The following SUGCT variants were observed in gnomAD, a reference collection of about 807,000 sequenced individuals.
SUGCT encodes the protein succinyl-CoA:glutarate-CoA transferase, also known as succinyl-CoA:glutarate CoA-transferase.
SUGCT carries 41 observed loss-of-function variants against 55.0 expected under a neutral mutation model. The ratio of observed to expected loss-of-function variants is 0.74; its 90% CI spans 0.58 to 0.97. SUGCT has a LOEUF of 0.97. Ranked by LOEUF, SUGCT falls within the 50% of genes least tolerant of loss-of-function variation. The pLI, the probability that SUGCT is intolerant of heterozygous loss-of-function variation, is 0.00. For synonymous variants in SUGCT, 187 were observed against 200.4 expected, an observed-to-expected ratio of 0.93 and a Z score of 0.56; for missense variants, 568 against 547.8, an observed-to-expected ratio of 1.04 and a Z score of -0.37.
At chr7:40,622,551 T>TTTC (rs1554388211) in intron 12 of SUGCT, among the ~76,000 whole-genome samples, 1 of 142,342 alleles carries the variant, frequency 7.0e-6, no homozygotes, top group East Asian at 2.0e-4. Flanking sequence ...TTTTTTTTTT[T>TTTC]CATCTTCTGA....
intron 8 of SUGCT, among the ~76,000 whole-genome samples, chr7:40,274,942 C>T (rs1584533597): frequency 6.6e-6 from 1 of 152,136 alleles, no homozygotes; most frequent in East Asian, 1.9e-4. Flanking sequence ...GCTGGGGTTA[C>T]AGGCATGTGC....
At chr7:40,308,471 G>A (rs1794954562) in intron 8 of SUGCT, among the ~76,000 whole-genome samples, 1 of 152,110 alleles carries the variant, frequency 6.6e-6, no homozygotes, top group South Asian at 2.1e-4. Flanking sequence ...ACACCATAAT[G>A]ACCAGGTGAT....
At chr7:40,174,172 G>A (rs769767269) in intron 1 of SUGCT, among the ~76,000 whole-genome samples, 7 of 152,026 alleles carry the variant, frequency 4.6e-5, no homozygotes, top group African/African-American at 9.7e-5. Flanking sequence ...ACAGGTGTGC[G>A]CCACCATGCC....
chr7:40,305,951 C>T (rs1201819901), intron 8 of SUGCT, among the ~76,000 whole-genome samples: 1 of 151,366 alleles, frequency 6.6e-6, no homozygotes, highest in Non-Finnish European at 1.5e-5. Context: ...AGGCATGAGC[C>T]ACTGTGCCTG....
Position 40,423,607 on chromosome 7 carries a change from T to C in SUGCT, c.817-25680T>C, listed in dbSNP as rs188737293. On this transcript the variant is annotated intron_variant, in intron 9 of 13. Transcript: ENST00000335693. ...ATTTCACTTAATTGCATTTTTATGGTCCAGTCATTAACCTACTGAAAAAAA... is the reference window on the plus strand; with the variant it reads ...ATTTCACTTAATTGCATTTTTATGGCCCAGTCATTAACCTACTGAAAAAAA... Among the ~76,000 whole-genome samples, 308 of 152,226 alleles carry C rather than the reference T, an allele frequency of 2.0e-3. 12 individuals carry two copies. In the South Asian group the frequency reaches 0.06, roughly 29 times the overall value.
chr7:40,235,620 T>A (rs1278360600), intron 6 of SUGCT, among the ~76,000 whole-genome samples: 1 of 152,122 alleles, frequency 6.6e-6, no homozygotes, highest in Non-Finnish European at 1.5e-5. Flanking sequence ...AGCCACCGCA[T>A]CCAGCCAAAA....
chr7:40,671,511 A>G (rs1027448014), intron 12 of SUGCT, among the ~76,000 whole-genome samples: 1 of 152,228 alleles, frequency 6.6e-6, no homozygotes, highest in African/African-American at 2.4e-5. Context: ...ATTGAGTTCA[A>G]CAAGTTAGGG....
At chr7:40,590,500 A>G (rs1284088172) in intron 12 of SUGCT, among the ~76,000 whole-genome samples, 1 of 152,222 alleles carries the variant, frequency 6.6e-6, no homozygotes, top group Non-Finnish European at 1.5e-5. Flanking sequence ...AAAGTGCAAA[A>G]TGAAGTAGCA....
intron 12 of SUGCT, among the ~76,000 whole-genome samples, chr7:40,603,407 G>T (rs1584107459): frequency 6.6e-6 from 1 of 152,154 alleles, no homozygotes; most frequent in Non-Finnish European, 1.5e-5. Flanking sequence ...AATTTCTAAA[G>T]ACAAAGATTA....
At chr7:40,645,280 G>C (rs530571933) in intron 12 of SUGCT, among the ~76,000 whole-genome samples, 34 of 152,298 alleles carry the variant, frequency 2.2e-4, no homozygotes, top group Non-Finnish European at 4.6e-4. Flanking sequence ...TTGTTCTAGA[G>C]AGCAAGTGAG....
chr7:40,850,247 A>G (rs1793784513), intron 13 of SUGCT, among the ~76,000 whole-genome samples: 1 of 152,236 alleles, frequency 6.6e-6, no homozygotes, highest in African/African-American at 2.4e-5. Context: ...GGACTGTCTG[A>G]GTGTGAATCA....
At chr7:40,332,532 AG>A (rs1401829765) in intron 9 of SUGCT, among the ~76,000 whole-genome samples, 1 of 151,784 alleles carries the variant, frequency 6.6e-6, no homozygotes, top group African/African-American at 2.4e-5. Flanking sequence ...AAACTTTAGA[AG>A]GGGTGTGGAT....
chr7:40,775,712 G>A (rs539962021), intron 13 of SUGCT: 3 of 152,322 alleles, frequency 2.0e-5, no homozygotes, highest in East Asian at 1.9e-4. Context: ...AGTGTAAGGT[G>A]AGTGGATTAT....
At chr7:40,900,421 G>C in the SUGCT span, among the ~76,000 whole-genome samples, 1 of 152,212 alleles carries the variant, frequency 6.6e-6, no homozygotes, top group African/African-American at 2.4e-5. Flanking sequence ...TGCGGATTAA[G>C]TGAGATTGTG....
chr7:40,165,371 G>A (rs1487527123), intron 1 of SUGCT, among the ~76,000 whole-genome samples: 1 of 152,000 alleles, frequency 6.6e-6, no homozygotes, highest in African/African-American at 2.4e-5. Context: ...AAGTTTATTT[G>A]TGTCGTCTAA....
chr7:40,899,489 C>T, the SUGCT span, among the ~76,000 whole-genome samples: 2 of 152,116 alleles, frequency 1.3e-5, no homozygotes, highest in African/African-American at 4.8e-5. Context: ...AGAGGCAACG[C>T]ACACGCTGAG....
intron 13 of SUGCT, among the ~76,000 whole-genome samples, chr7:40,795,750 A>C (rs1790522784): frequency 6.6e-6 from 1 of 152,198 alleles, no homozygotes; most frequent in Admixed American, 6.5e-5. Context: ...GATTTCAACC[A>C]GCAGAATGTG....
At position 40,428,522 on chromosome 7, in the gene SUGCT, CTGTGTG is replaced by C. The variant is rs56017526; in HGVS notation, c.817-20735_817-20730del. On this transcript the variant is annotated intron_variant, in intron 9 of 13. Transcript: ENST00000335693. ...TGCTCTCTCTCTTTCTCTGTCTCTGCTGTGTGTGTGTGTGTGTGTGTGTGTGTGTGT... is the reference window on the plus strand; with the variant it reads ...TGCTCTCTCTCTTTCTCTGTCTCTGCTGTGTGTGTGTGTGTGTGTGTGTGT... Among the ~76,000 whole-genome samples, 1,343 of 149,008 alleles carry C rather than the reference CTGTGTG, an allele frequency of 9.0e-3. 11 individuals are homozygous for C. Among genetic ancestry groups the C allele is most frequent in the East Asian group, 0.019 (94 of 5,072 alleles).
chr7:40,942,494 C>A, the SUGCT span, among the ~76,000 whole-genome samples: 1 of 152,000 alleles, frequency 6.6e-6, no homozygotes, highest in East Asian at 1.9e-4. Context: ...ACTCATAATT[C>A]TTTCCTTTAC....
Sources: gnomAD v4.1 joint callset for allele counts (sites outside exome capture counted in the v4.1 genomes callset) on GRCh38, gnomAD v4.1.1 for gene constraint, MANE v1.5 for transcripts, NCBI Gene and HGNC (gene_info 2026-07-23, HGNC 2026-07-21) for gene names.